The following IPO5 variants were observed in gnomAD, a reference collection of about 807,000 sequenced individuals.
IPO5 encodes the protein importin-5.
IPO5 carries 18 observed loss-of-function variants against 143.3 expected under a neutral mutation model. The observed-to-expected ratio is 0.13, with a 90% CI of 0.09 to 0.19. The LOEUF (loss-of-function observed/expected upper bound fraction) is 0.19, where lower values mean the gene tolerates loss of function less well. Among genes scored for constraint, IPO5 ranks in the 10% least tolerant of loss-of-function variants. The probability of loss-of-function intolerance (pLI) is 1.00; values close to 1 mark genes in which losing one functional copy is unlikely to be tolerated. For synonymous variants in IPO5, 477 were observed against 465.7 expected (o/e 1.02, Z -0.31); for missense variants, 1,013 against 1,336.9 (o/e 0.76, Z 3.78).
At chr13:97,975,772 A>T (rs1886234369) in intron 3 of IPO5, 1 of 177,692 alleles carries the variant, frequency 5.6e-6, no homozygotes, top group Non-Finnish European at 1.1e-5. Context: ...TCAAGGGAAC[A>T]GTCACAGATC....
chr13:97,977,752 TC>T (rs1470168830), intron 4 of IPO5, among the ~76,000 whole-genome samples: 4 of 152,234 alleles, frequency 2.6e-5, no homozygotes, highest in African/African-American at 4.8e-5. Flanking sequence ...GTGGGATACT[TC>T]CAGGGGAGGG....
At chr13:97,974,886 C>A (rs1185317706) in intron 3 of IPO5, among the ~76,000 whole-genome samples, 1 of 152,172 alleles carries the variant, frequency 6.6e-6, no homozygotes. Context: ...AGAATTTTCT[C>A]TAGGAACCAA....
chr13:98,002,675 A>T lies in IPO5; in HGVS notation c.1234-9A>T, dbSNP rs748296554. 3.1e-6 allele frequency: 5 copies of T among 1,607,432 alleles called. No homozygotes were observed. The South Asian group carries it at 4.4e-5, about 14-fold the overall frequency. On this transcript the variant is annotated splice_polypyrimidine_tract_variant and intron_variant, in intron 14 of 28. Coordinates refer to ENST00000651721, the MANE Select transcript of IPO5 (RefSeq NM_002271.6). ...CTTGCTTTTACTAATGAAAGGGAAC[A>T]TTTTCCAGCATCCAAGAGTAAGGTA...
chr13:97,981,962 T>C (rs1240619044), intron 4 of IPO5: 2 of 152,764 alleles, frequency 1.3e-5, no homozygotes, highest in African/African-American at 2.4e-5. Flanking sequence ...CCACATTCAT[T>C]TATCTATGTA....
At chr13:97,987,303 T>C (rs1048510518) in intron 6 of IPO5, 12 of 152,148 alleles carry the variant, frequency 7.9e-5, no homozygotes, top group African/African-American at 1.9e-4. Context: ...TAAGCGCAGC[T>C]TGTTTAGATG....
At chr13:97,984,224 C>T (rs1211154618) in intron 5 of IPO5, among the ~76,000 whole-genome samples, 1 of 151,618 alleles carries the variant, frequency 6.6e-6, no homozygotes, top group Non-Finnish European at 1.5e-5. Context: ...GTGATCCGCC[C>T]GCCTCGGCCT....
At chr13:97,999,102 CA>C (rs1160465342) in intron 12 of IPO5, among the ~76,000 whole-genome samples, 1 of 152,064 alleles carries the variant, frequency 6.6e-6, no homozygotes, top group African/African-American at 2.4e-5. Flanking sequence ...GAGATCACGT[CA>C]TTGCGCTACA....
chr13:97,982,670 T>G lies in IPO5; in HGVS notation c.171+87T>G, dbSNP rs1303812263. On this transcript the variant is annotated intron_variant, in intron 5 of 28. Coordinates refer to ENST00000651721, the MANE Select transcript of IPO5 (RefSeq NM_002271.6). ...TAGTAGAAATTAGAGAAATGAGAATTGTGATTAACCACATAGACTTTACTA... is the reference window on the plus strand; with the variant it reads ...TAGTAGAAATTAGAGAAATGAGAATGGTGATTAACCACATAGACTTTACTA... 3.4e-6 allele frequency: 3 copies of G among 879,388 alleles called. No individual in the cohort carries two copies. The East Asian group carries it at 7.7e-5, about 22-fold the overall frequency. The allele number at this position is 879,388 out of a possible 1,614,324, so 54.5% of individuals were successfully genotyped here.
chr13:97,984,676 T>C (rs974618348), intron 5 of IPO5, among the ~76,000 whole-genome samples: 16 of 152,242 alleles, frequency 1.1e-4, no homozygotes, highest in African/African-American at 3.6e-4. Flanking sequence ...TTAACATTTT[T>C]TTTGGTCAAA....
At chr13:97,957,338 C>G (rs1437209391) in intron 2 of IPO5, among the ~76,000 whole-genome samples, 4 of 152,044 alleles carry the variant, frequency 2.6e-5, no homozygotes. Context: ...GCTGGGACTA[C>G]AGGCCTGCGC....
At chr13:97,990,633 T>G in intron 9 of IPO5, 96 bp downstream of exon 9, 1 of 685,238 alleles carries the variant, frequency 1.5e-6, no homozygotes, top group South Asian at 2.0e-5. Context: ...GCCTATTATG[T>G]TCTGGCGCTA....
At position 98,002,706 on chromosome 13, in the gene IPO5, C is replaced by T; in HGVS notation, c.1256C>T (p.Ala419Val). The part of the protein sequence containing the change: ...QDPHPRVRYA[A>V]CNAVGQMATD... ...CAGCATCCAAGAGTAAGGTATGCAG[C>T]CTGTAATGCCGTGGGACAGATGGCT... Residue 419 changes from alanine (A) to valine (V), a missense_variant, in exon 15 of 29, where the codon GCC becomes GTC. Around this residue, in one of 2 missense-constraint regions of IPO5, gnomAD observed 685 missense variants for 994.9 expected, o/e 0.69. Coordinates refer to ENST00000651721, the MANE Select transcript of IPO5 (RefSeq NM_002271.6). The T allele has an allele frequency of 3.1e-6, 5 of 1,611,808 alleles. No individual in the cohort carries two copies. Among genetic ancestry groups the T allele is most frequent in the Non-Finnish European group, 4.2e-6 (5 of 1,179,138 alleles).
chr13:97,973,238 G>A (rs879400309), intron 3 of IPO5, among the ~76,000 whole-genome samples: 1 of 151,856 alleles, frequency 6.6e-6, no homozygotes, highest in Admixed American at 6.6e-5. Flanking sequence ...AGTAGAGACG[G>A]GGTCTCGCCC....
intron 12 of IPO5, among the ~76,000 whole-genome samples, chr13:97,999,288 A>G (rs911152442): frequency 6.6e-6 from 1 of 152,174 alleles, no homozygotes; most frequent in Non-Finnish European, 1.5e-5. Context: ...AAAATGACTG[A>G]TTTCTGGCTT....
intron 15 of IPO5, 45 bp from the exon 16 acceptor site, chr13:98,002,819 G>A (rs1888917042): frequency 6.3e-7 from 1 of 1,598,652 alleles, no homozygotes; most frequent in Non-Finnish European, 8.5e-7. Flanking sequence ...TTAGGAAGAA[G>A]GGTGGACATT....
intron 5 of IPO5, among the ~76,000 whole-genome samples, chr13:97,984,167 A>C (rs1887128277): frequency 6.7e-6 from 1 of 149,488 alleles, no homozygotes; most frequent in Admixed American, 6.7e-5. Context: ...TTTAGTAGAG[A>C]CGGGGTTTCA....
intron 22 of IPO5, among the ~76,000 whole-genome samples, 182 bp from the exon 23 acceptor site, chr13:98,015,347 AT>A: frequency 6.6e-6 from 1 of 152,010 alleles, no homozygotes; most frequent in African/African-American, 2.4e-5. Flanking sequence ...AAAAGAAAAT[AT>A]TTTTTTCTAA....
chr13:97,990,402 C>T (rs887123031), intron 8 of IPO5, 31 bp from the exon 9 acceptor site: 16 of 1,485,084 alleles, frequency 1.1e-5, no homozygotes, highest in Non-Finnish European at 1.4e-5. Flanking sequence ...AAAAATTTCT[C>T]ATGTTTGACA....
chr13:97,981,282 A>G (rs775428403), intron 4 of IPO5: 53 of 455,732 alleles, frequency 1.2e-4, no homozygotes, highest in African/African-American at 9.6e-4. Flanking sequence ...GTAGCACTGC[A>G]TAAATAGAAC....
Sources: allele counts gnomAD v4.1 joint callset (sites outside exome capture counted in the v4.1 genomes callset), GRCh38; gene constraint gnomAD v4.1.1; regional missense constraint gnomAD v4.1.1; transcripts MANE v1.5; gene names NCBI Gene and HGNC (gene_info 2026-07-23, HGNC 2026-07-21).